Variants in ITFG1 observed in about 807,000 individuals in gnomAD.
ITFG1 encodes the protein T-cell immunomodulatory protein.
Under a neutral mutation model 81.8 loss-of-function variants are expected in ITFG1, and 34 were observed. The ratio of observed to expected loss-of-function variants is 0.42; its 90% CI spans 0.32 to 0.55. The LOEUF is 0.55. ITFG1 is among the 20% of genes least tolerant of loss of function. The pLI, the probability that ITFG1 is intolerant of heterozygous loss-of-function variation, is 0.17. For synonymous variants in ITFG1, 285 were observed against 270.6 expected (o/e 1.05, Z -0.52); for missense variants, 672 against 755.4 (o/e 0.89, Z 1.29).
intron 14 of ITFG1, among the ~76,000 whole-genome samples, chr16:47,185,675 C>T (rs1245825578): frequency 2.6e-5 from 4 of 152,192 alleles, no homozygotes; most frequent in Admixed American, 2.0e-4. Context: ...CCAAAATTGA[C>T]ACCCTAACAT....
At chr16:47,216,162 A>G (rs1240017624) in intron 14 of ITFG1, among the ~76,000 whole-genome samples, 3 of 152,126 alleles carry the variant, frequency 2.0e-5, no homozygotes, top group Non-Finnish European at 2.9e-5. Flanking sequence ...AGTTTGCAGT[A>G]TAAGTTTGGT....
At chr16:47,369,788 C>G (rs2151588481) in intron 7 of ITFG1, among the ~76,000 whole-genome samples, 1 of 148,914 alleles carries the variant, frequency 6.7e-6, no homozygotes. Flanking sequence ...TATCGATCAT[C>G]TCAAACATTT....
intron 8 of ITFG1, among the ~76,000 whole-genome samples, chr16:47,341,512 C>A (rs535471462): frequency 7.3e-5 from 11 of 150,412 alleles, no homozygotes; most frequent in Non-Finnish European, 1.6e-4. Context: ...TACTTGGGGG[C>A]AATTCATAGC....
chr16:47,368,656 A>C (rs1179672712), intron 7 of ITFG1, among the ~76,000 whole-genome samples: 1 of 151,754 alleles, frequency 6.6e-6, no homozygotes, highest in Non-Finnish European at 1.5e-5. Context: ...CTCTCTTAAA[A>C]TATATCAGCC....
intron 8 of ITFG1, among the ~76,000 whole-genome samples, chr16:47,321,451 T>G (rs561970853): frequency 6.6e-6 from 1 of 152,334 alleles, no homozygotes; most frequent in East Asian, 1.9e-4. Context: ...AAAAATCCAT[T>G]TACTTTTTAC....
intron 10 of ITFG1, among the ~76,000 whole-genome samples, chr16:47,296,080 T>C (rs1198588883): frequency 6.6e-6 from 1 of 151,046 alleles, no homozygotes; most frequent in Non-Finnish European, 1.5e-5. Flanking sequence ...TTTATTTTAT[T>C]TTATTTTATT....
intron 8 of ITFG1, among the ~76,000 whole-genome samples, chr16:47,337,137 CA>C (rs5816576): frequency 0.012 from 987 of 81,026 alleles, 8 homozygotes; most frequent in African/African-American, 0.054. Flanking sequence ...AACTCTGTCT[CA>C]AAAAAAAAAA....
chr16:47,314,381 T>C (rs746565459), intron 8 of ITFG1, among the ~76,000 whole-genome samples: 7 of 152,186 alleles, frequency 4.6e-5, no homozygotes, highest in Admixed American at 1.3e-4. Flanking sequence ...CTCTTAACTT[T>C]ATACATATGT....
chr16:47,225,086 TAAC>T (rs1379590525), intron 13 of ITFG1, among the ~76,000 whole-genome samples: 1 of 152,032 alleles, frequency 6.6e-6, no homozygotes, highest in Non-Finnish European at 1.5e-5. Context: ...CTCACCACAG[TAAC>T]AATAAAGAGA....
At position 47,436,014 on chromosome 16, in the gene ITFG1, AAAAC is replaced by A. The variant is rs529413186; in HGVS notation, c.561-7120_561-7117del. Among the ~76,000 whole-genome samples, 20 of 152,254 alleles carry A rather than the reference AAAAC, an allele frequency of 1.3e-4. 1 individual carries two copies. The East Asian group carries it at 3.7e-3, about 28-fold the overall frequency. On this transcript the variant is annotated intron_variant, in intron 5 of 17. Transcript: ENST00000320640. ...ATCATCCACAAAAGAATTCCAAAAC[AAAAC>A]AAAAAAAACACATAAAGGTCTACTT...
intron 10 of ITFG1, among the ~76,000 whole-genome samples, chr16:47,310,528 T>A (rs377136245): frequency 2.0e-5 from 3 of 152,220 alleles, no homozygotes; most frequent in Non-Finnish European, 2.9e-5. Context: ...TGAGTTTAAC[T>A]ACATTGGTTT....
At chr16:47,423,808 GA>G (rs561910235) in intron 6 of ITFG1, among the ~76,000 whole-genome samples, 71 of 152,340 alleles carry the variant, frequency 4.7e-4, no homozygotes, top group Non-Finnish European at 7.5e-4. Flanking sequence ...CTGTTAGTCT[GA>G]TCGGCTTCCC....
At chr16:47,322,116 T>C (rs755452812) in intron 8 of ITFG1, among the ~76,000 whole-genome samples, 6 of 152,080 alleles carry the variant, frequency 3.9e-5, no homozygotes, top group African/African-American at 9.7e-5. Context: ...ACCTATGTTA[T>C]TGAAGAGAAG....
At chr16:47,443,863 G>A (rs189779974) in intron 5 of ITFG1, among the ~76,000 whole-genome samples, 5 of 152,092 alleles carry the variant, frequency 3.3e-5, no homozygotes, top group African/African-American at 7.2e-5. Flanking sequence ...AAATCTGCAC[G>A]TTGTGCACAT....
intron 10 of ITFG1, among the ~76,000 whole-genome samples, chr16:47,276,822 T>G (rs888986117): frequency 6.6e-6 from 1 of 152,136 alleles, no homozygotes; most frequent in African/African-American, 2.4e-5. Flanking sequence ...CCAAGAGAAA[T>G]GAATTAAACT....
At chr16:47,217,442 T>C (rs1965637542) in intron 14 of ITFG1, among the ~76,000 whole-genome samples, 1 of 152,204 alleles carries the variant, frequency 6.6e-6, no homozygotes, top group East Asian at 1.9e-4. Flanking sequence ...TTCTGGAACA[T>C]CTTACCTAGC....
At chr16:47,337,662 TAGTG>T (rs1967725178) in intron 8 of ITFG1, among the ~76,000 whole-genome samples, 1 of 152,226 alleles carries the variant, frequency 6.6e-6, no homozygotes, top group African/African-American at 2.4e-5. Flanking sequence ...AATGTCTGTG[TAGTG>T]ATCCTCAACA....
In ITFG1 at chr16:47,316,135, G is replaced by A. The variant is rs554234890; in HGVS notation, c.803-2312C>T. ...AGGTGAAATGACAGAAATGCTTTTT[G>A]AGAGTACAATTTCAAGAGTATAATT... is the stretch of plus-strand genomic sequence containing the variant. On this transcript the variant is annotated intron_variant, in intron 8 of 17. Coordinates refer to ENST00000320640, the MANE Select transcript of ITFG1 (RefSeq NM_030790.5). 2.0e-5 allele frequency among the ~76,000 whole-genome samples: 3 copies of A among 152,222 alleles called. No individual in the cohort carries two copies. The East Asian group carries it at 5.8e-4, about 29-fold the overall frequency.
At chr16:47,196,291 C>T (rs925830577) in intron 14 of ITFG1, 1 of 150,098 alleles carries the variant, frequency 6.7e-6, no homozygotes. Context: ...TTAGAAGATT[C>T]TTGGCTATTA....
Sources: gnomAD v4.1 joint callset for allele counts (sites outside exome capture counted in the v4.1 genomes callset) on GRCh38, gnomAD v4.1.1 for gene constraint, MANE v1.5 for transcripts, NCBI Gene and HGNC (gene_info 2026-07-23, HGNC 2026-07-21) for gene names.